Variants in DPP10 observed in about 807,000 individuals in gnomAD.
The protein encoded by DPP10 is inactive dipeptidyl peptidase 10.
In DPP10, 33 loss-of-function variants were observed where a neutral mutation model predicts 120.9. The ratio of observed to expected loss-of-function variants is 0.27; its 90% CI spans 0.21 to 0.37. The LOEUF (loss-of-function observed/expected upper bound fraction) is 0.37, where lower values mean the gene tolerates loss of function less well. Among genes scored for constraint, DPP10 ranks in the 10% least tolerant of loss-of-function variants. The pLI, the probability that DPP10 is intolerant of heterozygous loss-of-function variation, is 1.00. For synonymous variants in DPP10, 337 were observed against 326.1 expected, an observed-to-expected ratio of 1.03 and a Z score of -0.36; for missense variants, 816 against 942.8, an observed-to-expected ratio of 0.87 and a Z score of 1.76.
At chr2:115,705,662 G>T (rs1258004512) in intron 7 of DPP10, among the ~76,000 whole-genome samples, 1 of 152,002 alleles carries the variant, frequency 6.6e-6, no homozygotes, top group Non-Finnish European at 1.5e-5. Context: ...TGTTTGACAT[G>T]ATGAGTGTTT....
chr2:114,742,873 A>C (rs973264715), intron 1 of DPP10, among the ~76,000 whole-genome samples: 1 of 152,350 alleles, frequency 6.6e-6, no homozygotes, highest in East Asian at 1.9e-4. Flanking sequence ...AGAAATGCCA[A>C]TGCAGGCAAA....
Position 114,753,287 on chromosome 2 carries a change from C to T in DPP10, c.60+310449C>T, listed in dbSNP as rs138799266. ...ACTAATGTCCAAGCTTGCCAACCCC[C>T]TCCCACACCAAATACCAGGCTTTTT... On this transcript the variant is annotated intron_variant, in intron 1 of 25. Coordinates refer to ENST00000410059, the MANE Select transcript of DPP10 (RefSeq NM_020868.6). Among the ~76,000 whole-genome samples the T allele has an allele frequency of 8.7e-3, 1,331 of 152,284 alleles. 18 individuals carry two copies. The highest frequency in any genetic ancestry group is 0.013 in the Non-Finnish European group (901 of 68,016).
chr2:115,382,446 G>C (rs1164025447), intron 3 of DPP10, among the ~76,000 whole-genome samples: 1 of 152,178 alleles, frequency 6.6e-6, no homozygotes, highest in Non-Finnish European at 1.5e-5. Flanking sequence ...CCACTGACCT[G>C]CACCCACTGT....
intron 1 of DPP10, among the ~76,000 whole-genome samples, chr2:114,551,784 C>T (rs879769288): frequency 1.3e-5 from 2 of 152,206 alleles, no homozygotes; most frequent in Non-Finnish European, 2.9e-5. Flanking sequence ...AAATACCTCC[C>T]TTCTTCCCAG....
At chr2:114,536,450 G>A (rs1299453352) in intron 1 of DPP10, among the ~76,000 whole-genome samples, 19 of 126,898 alleles carry the variant, frequency 1.5e-4, no homozygotes, top group East Asian at 2.3e-4. Context: ...CTGTCACCCC[G>A]GCTGGAGTGC....
chr2:115,211,577 G>GTT (rs202105402), intron 1 of DPP10, among the ~76,000 whole-genome samples: 1 of 150,720 alleles, frequency 6.6e-6, no homozygotes, highest in African/African-American at 2.4e-5. Context: ...TCCTAATAAT[G>GTT]TTTTTTTTTC....
At chr2:114,673,623 T>G (rs1377945151) in intron 1 of DPP10, among the ~76,000 whole-genome samples, 2 of 151,936 alleles carry the variant, frequency 1.3e-5, no homozygotes, top group African/African-American at 2.4e-5. Flanking sequence ...ATCTGGCTAA[T>G]TTTTGTATTT....
chr2:115,690,338 CTTTTA>C (rs2091246107), intron 7 of DPP10, among the ~76,000 whole-genome samples: 1 of 151,988 alleles, frequency 6.6e-6, no homozygotes, highest in African/African-American at 2.4e-5. Context: ...AGGATTTTTA[CTTTTA>C]TTTTTATTTT....
intron 5 of DPP10, among the ~76,000 whole-genome samples, chr2:115,578,940 G>A (rs186090761): frequency 1.0e-3 from 158 of 152,254 alleles, no homozygotes; most frequent in African/African-American, 3.5e-3. Flanking sequence ...TCCTGAGTGG[G>A]ATCTGGAAAC....
intron 24 of DPP10, among the ~76,000 whole-genome samples, chr2:115,839,673 C>CA (rs57734176): frequency 0.17 from 15,293 of 90,306 alleles, 1,432 homozygotes; most frequent in African/African-American, 0.2. Context: ...GACTCCATCT[C>CA]AAAAAAAAAA....
intron 1 of DPP10, among the ~76,000 whole-genome samples, chr2:114,951,156 T>G (rs1340879062): frequency 6.6e-6 from 1 of 152,190 alleles, no homozygotes; most frequent in Non-Finnish European, 1.5e-5. Flanking sequence ...CGTGCCTTCA[T>G]AAGTTTCCAA....
intron 1 of DPP10, among the ~76,000 whole-genome samples, chr2:114,849,490 T>C (rs7601466): frequency 0.19 from 29,409 of 151,868 alleles, 4,133 homozygotes; most frequent in African/African-American, 0.4. Context: ...ACACACACCG[T>C]CACACCTGGC....
intron 1 of DPP10, chr2:115,064,861 G>T: frequency 1.5e-6 from 2 of 1,299,816 alleles, no homozygotes. Context: ...GTTTCTGATT[G>T]GGTTTCATTT....
At chr2:115,144,694 T>G in intron 1 of DPP10, among the ~76,000 whole-genome samples, 1 of 146,952 alleles carries the variant, frequency 6.8e-6, no homozygotes, top group African/African-American at 2.5e-5. Flanking sequence ...AGGGATAGCA[T>G]TAGGAGATAT....
At chr2:115,620,172 C>T (rs1416404279) in intron 5 of DPP10, among the ~76,000 whole-genome samples, 2 of 152,234 alleles carry the variant, frequency 1.3e-5, no homozygotes, top group African/African-American at 4.8e-5. Flanking sequence ...AGGCTCAAAT[C>T]TGTCATCTAA....
At chr2:115,067,875 A>AG (rs1295113183) in intron 1 of DPP10, among the ~76,000 whole-genome samples, 2 of 148,524 alleles carry the variant, frequency 1.3e-5, no homozygotes, top group Admixed American at 6.7e-5. Flanking sequence ...AAAAAAAAAA[A>AG]AAAAAGAAAA....
At chr2:115,438,005 A>G (rs950097307) in intron 3 of DPP10, among the ~76,000 whole-genome samples, 2 of 152,138 alleles carry the variant, frequency 1.3e-5, no homozygotes, top group African/African-American at 2.4e-5. Flanking sequence ...GAAAATAATC[A>G]TAAGTTTCTT....
chr2:115,699,024 A>AAAAAAG (rs2091747711), intron 7 of DPP10, among the ~76,000 whole-genome samples: 1 of 71,986 alleles, frequency 1.4e-5, no homozygotes, highest in African/African-American at 4.0e-5. Context: ...GCTTGACTGA[A>AAAAAAG]AAAAAAAAAA....
chr2:114,966,206 A>G (rs568592523), intron 1 of DPP10, among the ~76,000 whole-genome samples: 2 of 152,208 alleles, frequency 1.3e-5, no homozygotes, highest in Admixed American at 6.5e-5. Flanking sequence ...GAGGATGACC[A>G]CTTACCACCT....
Sources: allele counts gnomAD v4.1 joint callset (sites outside exome capture counted in the v4.1 genomes callset), GRCh38; gene constraint gnomAD v4.1.1; transcripts MANE v1.5; gene names NCBI Gene and HGNC (gene_info 2026-07-23, HGNC 2026-07-21).